Variants in ERC2 observed in about 807,000 individuals in gnomAD.
ERC2 encodes the protein ELKS/RAB6-interacting/CAST family member 2.
Under a neutral mutation model 114.8 loss-of-function variants are expected in ERC2, and 42 were observed. The observed-to-expected ratio is 0.37, with a 90% CI of 0.29 to 0.47. The LOEUF (loss-of-function observed/expected upper bound fraction) is 0.47, where lower values mean the gene tolerates loss of function less well. Among genes scored for constraint, ERC2 ranks in the 20% least tolerant of loss-of-function variants. The pLI is 0.99. For missense variants in ERC2, 939 were observed against 1,150.7 expected (o/e 0.82, Z 2.66); for synonymous variants, 454 against 425.5 (o/e 1.07, Z -0.82).
chr3:55,653,015 A>G (rs2148683646), intron 17 of ERC2, among the ~76,000 whole-genome samples: 1 of 152,130 alleles, frequency 6.6e-6, no homozygotes, highest in East Asian at 1.9e-4. Flanking sequence ...TTAACCATCT[A>G]TATAGTATCT....
Position 56,081,131 on chromosome 3 carries a change from C to A in ERC2, c.1474-147G>T, listed in dbSNP as rs965412056. The A allele has an allele frequency of 8.0e-6, 6 of 747,984 alleles. No homozygotes were observed. The Admixed American group carries it at 8.7e-5, about 11-fold the overall frequency. 46.3% of individuals were successfully genotyped at this position (747,984 alleles called of 1,614,324 possible). ...CTGCTCATGGCACCTCACTGCCCTG[C>A]ATTTTAACAGCCTACATCCTTCTTA... On this transcript the variant is annotated intron_variant, in intron 6 of 17. Transcript: ENST00000288221.
chr3:56,001,950 C>T (rs1412344452), intron 10 of ERC2, among the ~76,000 whole-genome samples: 1 of 152,102 alleles, frequency 6.6e-6, no homozygotes, highest in Non-Finnish European at 1.5e-5. Flanking sequence ...TCTTTCTTCA[C>T]ATCTCCACTG....
chr3:56,074,279 A>G (rs535616974), intron 7 of ERC2, among the ~76,000 whole-genome samples: 31 of 152,206 alleles, frequency 2.0e-4, no homozygotes, highest in Non-Finnish European at 4.1e-4. Context: ...TTTAAAAACC[A>G]AGATTATGAT....
At chr3:55,773,271 C>T (rs1495367) in intron 14 of ERC2, among the ~76,000 whole-genome samples, 144,293 of 152,258 alleles carry the variant, frequency 0.95, 68,731 homozygotes, top group Non-Finnish European at 1. Flanking sequence ...GGCCTTTGCA[C>T]TGGCCATGCC....
At chr3:55,529,550 C>T (rs2053543601) in intron 17 of ERC2, among the ~76,000 whole-genome samples, 1 of 152,154 alleles carries the variant, frequency 6.6e-6, no homozygotes, top group East Asian at 1.9e-4. Flanking sequence ...GAATGTCCAC[C>T]AGGATCCTAA....
At chr3:55,576,010 T>C (rs928681329) in intron 17 of ERC2, among the ~76,000 whole-genome samples, 4 of 152,158 alleles carry the variant, frequency 2.6e-5, no homozygotes, top group Non-Finnish European at 5.9e-5. Context: ...TATTTACCTC[T>C]ATAAAATTCT....
intron 4 of ERC2, among the ~76,000 whole-genome samples, chr3:56,154,568 T>C (rs2081593574): frequency 6.6e-6 from 1 of 152,208 alleles, no homozygotes; most frequent in Non-Finnish European, 1.5e-5. Flanking sequence ...TGGTTCTTGC[T>C]TGACACTGTG....
intron 14 of ERC2, among the ~76,000 whole-genome samples, chr3:55,749,499 A>C (rs1079231): frequency 0.22 from 33,231 of 152,132 alleles, 4,158 homozygotes; most frequent in Admixed American, 0.31. Context: ...GATTGTAAAA[A>C]GCACCAATCA....
chr3:56,277,582 C>G (rs1308419764), intron 3 of ERC2, among the ~76,000 whole-genome samples: 1 of 152,026 alleles, frequency 6.6e-6, no homozygotes, highest in Non-Finnish European at 1.5e-5. Flanking sequence ...TTCTTATATT[C>G]CTTTCCCTGT....
At chr3:55,714,678 T>TACAC (rs1553639608) in intron 15 of ERC2, among the ~76,000 whole-genome samples, 4 of 8,046 alleles carry the variant, frequency 5.0e-4, no homozygotes, top group Admixed American at 1.6e-3. Context: ...TATATATATA[T>TACAC]ATATATATAT....
intron 8 of ERC2, among the ~76,000 whole-genome samples, chr3:56,014,870 A>G (rs1329559706): frequency 6.6e-6 from 1 of 152,196 alleles, no homozygotes; most frequent in Non-Finnish European, 1.5e-5. Flanking sequence ...CCCTCATTCC[A>G]ATGTTACAAA....
At chr3:55,768,320 A>C (rs373814139) in intron 14 of ERC2, among the ~76,000 whole-genome samples, 1 of 152,240 alleles carries the variant, frequency 6.6e-6, no homozygotes, top group Non-Finnish European at 1.5e-5. Flanking sequence ...CTGGGAATCC[A>C]TAAGTCAGTG....
chr3:56,045,816 A>G (rs2075426359), intron 7 of ERC2, among the ~76,000 whole-genome samples: 1 of 152,176 alleles, frequency 6.6e-6, no homozygotes, highest in African/African-American at 2.4e-5. Flanking sequence ...TCTGAGACAC[A>G]CCAGCACCCA....
intron 14 of ERC2, among the ~76,000 whole-genome samples, chr3:55,829,197 T>C (rs76415132): frequency 0.018 from 2,681 of 152,238 alleles, 86 homozygotes; most frequent in African/African-American, 0.061. Context: ...AAGGAAAAGA[T>C]GATCAACAGA....
At chr3:56,175,923 G>T (rs1204755928) in intron 3 of ERC2, among the ~76,000 whole-genome samples, 1 of 79,810 alleles carries the variant, frequency 1.3e-5, no homozygotes, top group Non-Finnish European at 4.1e-5. Context: ...GAGTCAATGT[G>T]ATGGTTTTTT....
rs183280136 is a variant in ERC2 at position 55,917,317 on chromosome 3, C to T, written c.2404-28768G>A. ...TTCATAGCAACATTCCTTATAATGG[C>T]CAAAAGCAGAAACAACCCAAATGTC... On this transcript the variant is annotated intron_variant, in intron 13 of 17. Transcript: ENST00000288221. 1.7e-4 allele frequency among the ~76,000 whole-genome samples: 26 copies of T among 152,064 alleles called. No homozygotes were observed. The East Asian group carries it at 5.0e-3, about 29-fold the overall frequency.
chr3:56,075,310 G>A (rs1205589788), intron 7 of ERC2, among the ~76,000 whole-genome samples: 1 of 152,100 alleles, frequency 6.6e-6, no homozygotes, highest in African/African-American at 2.4e-5. Flanking sequence ...GCAATGTGAG[G>A]GCAGAGGAAA....
chr3:55,742,320 T>C (rs914902659), intron 14 of ERC2, among the ~76,000 whole-genome samples: 10 of 152,226 alleles, frequency 6.6e-5, no homozygotes, highest in African/African-American at 2.2e-4. Context: ...GTCGTTCTAT[T>C]AATGATGATT....
intron 3 of ERC2, among the ~76,000 whole-genome samples, chr3:56,187,257 G>C (rs1004088428): frequency 6.6e-6 from 1 of 152,132 alleles, no homozygotes; most frequent in African/African-American, 2.4e-5. Context: ...TTCCAGGAAA[G>C]GTCACAGATA....
Sources: gnomAD v4.1 joint callset for allele counts (sites outside exome capture counted in the v4.1 genomes callset) on GRCh38, gnomAD v4.1.1 for gene constraint, MANE v1.5 for transcripts, NCBI Gene and HGNC (gene_info 2026-07-23, HGNC 2026-07-21) for gene names.